The following CNTNAP2 variants were observed in gnomAD, a reference collection of about 807,000 sequenced individuals.
CNTNAP2 encodes the protein contactin associated protein 2, also known as contactin-associated protein-like 2.
A neutral mutation model predicts 155.2 loss-of-function variants in CNTNAP2; 98 were observed. The ratio of observed to expected loss-of-function variants is 0.63; its 90% CI spans 0.54 to 0.75. The LOEUF (loss-of-function observed/expected upper bound fraction) is 0.75, where lower values mean the gene tolerates loss of function less well. Among genes scored for constraint, CNTNAP2 ranks in the 30% least tolerant of loss-of-function variants. CNTNAP2 has a pLI of 0.00. For missense variants in CNTNAP2, 1,727 were observed against 1,688.1 expected, an observed-to-expected ratio of 1.02 and a Z score of -0.40; for synonymous variants, 651 against 631.2, an observed-to-expected ratio of 1.03 and a Z score of -0.47.
intron 8 of CNTNAP2, among the ~76,000 whole-genome samples, chr7:147,249,652 C>G (rs1329091848): frequency 7.4e-6 from 1 of 134,948 alleles, no homozygotes; most frequent in Non-Finnish European, 1.5e-5. Flanking sequence ...TTCAATCTCT[C>G]TCTCACACCA....
chr7:146,842,140 G>T (rs1287309946), intron 3 of CNTNAP2, among the ~76,000 whole-genome samples: 2 of 152,018 alleles, frequency 1.3e-5, no homozygotes, highest in African/African-American at 4.8e-5. Flanking sequence ...ACTTGCCTTG[G>T]CCTCTCAAAG....
rs540824542 is a variant in CNTNAP2 at position 148,034,986 on chromosome 7, G to A, written c.2383+56997G>A. On this transcript the variant is annotated intron_variant, in intron 15 of 23. Coordinates refer to ENST00000361727, the MANE Select transcript of CNTNAP2 (RefSeq NM_014141.6). ...CTTGGCTGAATTGTTCATGCCCTAG[G>A]GCTTTATGGAAGGCAGAATTTAAGA... is the stretch of plus-strand genomic sequence containing the variant. 9.1e-4 allele frequency among the ~76,000 whole-genome samples: 139 copies of A among 152,316 alleles called. 1 individual carries two copies. Among genetic ancestry groups the A allele is most frequent in the African/African-American group, 3.1e-3 (129 of 41,574 alleles).
chr7:146,521,876 A>G (rs1389925432), intron 1 of CNTNAP2, among the ~76,000 whole-genome samples: 1 of 152,034 alleles, frequency 6.6e-6, no homozygotes, highest in African/African-American at 2.4e-5. Flanking sequence ...AATACATTCA[A>G]AGGCTTTAAT....
At chr7:148,382,577 G>C (rs1278258856) in intron 21 of CNTNAP2, among the ~76,000 whole-genome samples, 2 of 152,196 alleles carry the variant, frequency 1.3e-5, no homozygotes, top group African/African-American at 4.8e-5. Flanking sequence ...CAAAGGGCAA[G>C]CAAGCGTAGA....
chr7:147,918,037 C>T (rs1344735358), intron 14 of CNTNAP2, among the ~76,000 whole-genome samples: 7 of 152,342 alleles, frequency 4.6e-5, no homozygotes, highest in East Asian at 1.9e-4. Context: ...CCTGCCTTTG[C>T]CCACACCCCT....
chr7:147,736,457 T>G (rs892870695), intron 13 of CNTNAP2, among the ~76,000 whole-genome samples: 1 of 152,220 alleles, frequency 6.6e-6, no homozygotes, highest in Non-Finnish European at 1.5e-5. Flanking sequence ...CCTTAACATT[T>G]TTTTCTTCAT....
chr7:147,754,912 TAAA>T (rs1378135876), intron 13 of CNTNAP2, among the ~76,000 whole-genome samples: 1 of 152,184 alleles, frequency 6.6e-6, no homozygotes, highest in African/African-American at 2.4e-5. Flanking sequence ...ATTTTCGTAA[TAAA>T]AAGTTTTTTA....
intron 10 of CNTNAP2, among the ~76,000 whole-genome samples, chr7:147,416,419 C>A: frequency 6.6e-6 from 1 of 152,274 alleles, no homozygotes; most frequent in South Asian, 2.1e-4. Flanking sequence ...CAATAAAGTT[C>A]CTTTTTTTGT....
intron 3 of CNTNAP2, among the ~76,000 whole-genome samples, chr7:146,860,628 A>C (rs1002482224): frequency 2.0e-5 from 3 of 152,202 alleles, no homozygotes; most frequent in African/African-American, 2.4e-5. Flanking sequence ...AGGATAGTCT[A>C]TTGTGGAAAA....
chr7:147,018,878 T>C (rs889450881), intron 3 of CNTNAP2, among the ~76,000 whole-genome samples: 2 of 151,996 alleles, frequency 1.3e-5, no homozygotes, highest in African/African-American at 2.4e-5. Flanking sequence ...AGACCTTATC[T>C]TGAGAATAAC....
intron 1 of CNTNAP2, among the ~76,000 whole-genome samples, chr7:146,187,750 C>G (rs888410010): frequency 6.6e-6 from 1 of 152,082 alleles, no homozygotes; most frequent in Non-Finnish European, 1.5e-5. Flanking sequence ...ACCAACAACA[C>G]GGAACTCTCT....
rs77391189 is a variant in CNTNAP2 at position 147,068,932 on chromosome 7, A to C, written c.550+24878A>C. Among the ~76,000 whole-genome samples the C allele has an allele frequency of 3.6e-3, 543 of 152,346 alleles. 4 individuals carry two copies. The highest frequency in any genetic ancestry group is 0.012 in the African/African-American group (516 of 41,582). On this transcript the variant is annotated intron_variant, in intron 4 of 23. Transcript: ENST00000361727. ...TAAAACAAAAGAGTTTATTTGGCTC[A>C]TGGTTCTGCAGGCTGTACAGGAAGT...
At chr7:147,947,939 G>T (rs879782193) in intron 14 of CNTNAP2, among the ~76,000 whole-genome samples, 1 of 151,894 alleles carries the variant, frequency 6.6e-6, no homozygotes, top group Admixed American at 6.6e-5. Flanking sequence ...GATAATTTAG[G>T]CTTCCAAAGG....
intron 1 of CNTNAP2, among the ~76,000 whole-genome samples, chr7:146,216,948 G>C (rs771354323): frequency 9.2e-5 from 14 of 152,130 alleles, no homozygotes; most frequent in Non-Finnish European, 1.5e-4. Flanking sequence ...TTCTTCTAAG[G>C]CTCATAAAAC....
At chr7:147,217,811 C>G (rs1477650928) in intron 8 of CNTNAP2, among the ~76,000 whole-genome samples, 5 of 151,970 alleles carry the variant, frequency 3.3e-5, no homozygotes, top group Non-Finnish European at 7.4e-5. Context: ...TTAATAATTG[C>G]TTTAATTTAT....
intron 3 of CNTNAP2, among the ~76,000 whole-genome samples, chr7:146,898,037 C>T (rs1326066107): frequency 6.6e-6 from 1 of 150,536 alleles, no homozygotes; most frequent in Non-Finnish European, 1.5e-5. Context: ...TAAAGCTTCT[C>T]TTAATGATTC....
At chr7:146,456,026 CATCCTT>C (rs1796549666) in intron 1 of CNTNAP2, among the ~76,000 whole-genome samples, 1 of 152,102 alleles carries the variant, frequency 6.6e-6, no homozygotes, top group South Asian at 2.1e-4. Context: ...ACATATCACT[CATCCTT>C]ATACAAGTGG....
intron 3 of CNTNAP2, among the ~76,000 whole-genome samples, chr7:147,020,277 T>C (rs750460491): frequency 5.3e-5 from 8 of 152,122 alleles, no homozygotes; most frequent in Admixed American, 2.0e-4. Context: ...TTTTTGAATA[T>C]CTTTCTGTTG....
At chr7:148,111,782 T>A (rs1447140661) in intron 15 of CNTNAP2, among the ~76,000 whole-genome samples, 1 of 152,246 alleles carries the variant, frequency 6.6e-6, no homozygotes, top group Non-Finnish European at 1.5e-5. Context: ...ATTTTCTTTC[T>A]GGAGTTTCTC....
Sources: allele counts gnomAD v4.1 joint callset (sites outside exome capture counted in the v4.1 genomes callset), GRCh38; gene constraint gnomAD v4.1.1; transcripts MANE v1.5; gene names NCBI Gene and HGNC (gene_info 2026-07-23, HGNC 2026-07-21).